JAK1: variants seen among roughly 807,000 people sequenced by gnomAD.
The protein encoded by JAK1 is tyrosine-protein kinase JAK1.
JAK1 carries 16 observed loss-of-function variants against 136.6 expected under a neutral mutation model. The observed-to-expected ratio is 0.12, with a 90% CI of 0.08 to 0.18. The LOEUF is 0.18. Ranked by LOEUF, JAK1 falls within the 10% of genes least tolerant of loss-of-function variation. JAK1 has a pLI of 1.00. For missense variants in JAK1, 859 were observed against 1,450.1 expected (o/e 0.59, Z 6.62); for synonymous variants, 492 against 519.5 (o/e 0.95, Z 0.72).
chr1:64,964,437 G>C (rs1048638858), intron 1 of JAK1, among the ~76,000 whole-genome samples: 1 of 152,232 alleles, frequency 6.6e-6, no homozygotes, highest in East Asian at 1.9e-4. Context: ...GTTTCAGTCG[G>C]AAGTATATGG....
intron 1 of JAK1, among the ~76,000 whole-genome samples, chr1:65,066,147 AGGTGTGGT>A (rs1166279157): frequency 6.6e-6 from 1 of 152,152 alleles, no homozygotes; most frequent in Non-Finnish European, 1.5e-5. Context: ...GGATAAGCAC[AGGTGTGGT>A]CTTTCTCCAG....
At chr1:65,035,461 C>T (rs1647064526) in intron 2 of JAK1, among the ~76,000 whole-genome samples, 1 of 152,202 alleles carries the variant, frequency 6.6e-6, no homozygotes, top group African/African-American at 2.4e-5. Context: ...GTTGAGGAGA[C>T]TTGACCTTCA....
intron 1 of JAK1, among the ~76,000 whole-genome samples, chr1:64,897,436 A>G (rs190209045): frequency 5.4e-5 from 7 of 129,896 alleles, no homozygotes; most frequent in East Asian, 2.3e-4. Context: ...AGAAAAAGAG[A>G]AAAAAAAAGA....
intron 2 of JAK1, among the ~76,000 whole-genome samples, chr1:65,025,826 T>A (rs541069683): frequency 6.6e-6 from 1 of 152,092 alleles, no homozygotes; most frequent in Admixed American, 6.6e-5. Context: ...TATAGGTGCA[T>A]ACCACCATGC....
At chr1:64,995,865 A>G (rs998145895) in intron 2 of JAK1, among the ~76,000 whole-genome samples, 1 of 152,090 alleles carries the variant, frequency 6.6e-6, no homozygotes, top group Non-Finnish European at 1.5e-5. Flanking sequence ...CAGCCTCCTG[A>G]GTAGCCGGGA....
upstream of JAK1, among the ~76,000 whole-genome samples, chr1:64,968,192 G>A (rs1417721078): frequency 6.6e-6 from 1 of 152,108 alleles, no homozygotes; most frequent in East Asian, 1.9e-4. Flanking sequence ...GCCCACGAAC[G>A]AATCTGGCTG....
chr1:64,915,758 C>A (rs1391631131), intron 1 of JAK1, among the ~76,000 whole-genome samples: 1 of 152,100 alleles, frequency 6.6e-6, no homozygotes, highest in Admixed American at 6.6e-5. Flanking sequence ...TAAGGAAACA[C>A]ATATCTAGAG....
chr1:64,967,584 C>G (rs776277997), upstream of JAK1, among the ~76,000 whole-genome samples: 1 of 152,232 alleles, frequency 6.6e-6, no homozygotes, highest in Non-Finnish European at 1.5e-5. Flanking sequence ...CCTGTGCTGA[C>G]TTCACTAACC....
rs372683251 is a variant in JAK1, at chr1:65,050,183, T to G, written c.-180-5601A>C. On this transcript the variant is annotated intron_variant, in intron 1 of 25. Coordinates refer to the JAK1 transcript ENST00000671954. ...CACTAGTTTTCTACTGTGAACTCCA[T>G]GCCAGGCTTATGCCAGACACTGCAA... Among the ~76,000 whole-genome samples the G allele has an allele frequency of 2.2e-4, 34 of 152,326 alleles. No individual in the cohort carries two copies. In the East Asian group the frequency reaches 3.5e-3, roughly 16 times the overall value.
chr1:64,838,401 A>G lies in JAK1; in HGVS notation c.2967+64T>C. ...CTTACCCACTTAGAGTCAAATTACA[A>G]ACCAATTACCCAGGACAGAGTGCCT... On this transcript the variant is annotated intron_variant, in intron 21 of 24. Coordinates refer to ENST00000342505, the MANE Select transcript of JAK1 (RefSeq NM_002227.4). 6.5e-6 allele frequency: 10 copies of G among 1,544,626 alleles called. No homozygotes were observed. In the South Asian group the frequency reaches 8.3e-5, roughly 13 times the overall value.
chr1:64,969,310 G>C (rs1022137593), upstream of JAK1, among the ~76,000 whole-genome samples: 1 of 151,814 alleles, frequency 6.6e-6, no homozygotes, highest in Non-Finnish European at 1.5e-5. Flanking sequence ...TCTTGTTGTA[G>C]TGGGGGTGTC....
At chr1:64,962,266 C>T (rs1306902949) in intron 1 of JAK1, among the ~76,000 whole-genome samples, 1 of 152,204 alleles carries the variant, frequency 6.6e-6, no homozygotes, top group Non-Finnish European at 1.5e-5. Context: ...GTATAAAATG[C>T]TAGTGTGAAT....
At chr1:64,957,948 A>C (rs1440947580) in intron 1 of JAK1, among the ~76,000 whole-genome samples, 1 of 152,204 alleles carries the variant, frequency 6.6e-6, no homozygotes, top group African/African-American at 2.4e-5. Context: ...CGTCTCAAAA[A>C]AAAAAAAAAG....
At chr1:64,885,472 G>A (rs1644837081) in intron 2 of JAK1, among the ~76,000 whole-genome samples, 2 of 152,104 alleles carry the variant, frequency 1.3e-5, no homozygotes, top group Admixed American at 6.5e-5. Flanking sequence ...TGAAAAAATC[G>A]GCTGGGTGTG....
At chr1:64,903,440 A>G (rs953575775) in intron 1 of JAK1, among the ~76,000 whole-genome samples, 1 of 152,208 alleles carries the variant, frequency 6.6e-6, no homozygotes, top group Non-Finnish European at 1.5e-5. Flanking sequence ...CAGGGACACA[A>G]TGAAGACTGG....
chr1:64,926,595 G>T (rs1284920828), intron 1 of JAK1, among the ~76,000 whole-genome samples: 1 of 152,000 alleles, frequency 6.6e-6, no homozygotes, highest in African/African-American at 2.4e-5. Context: ...TAGATATACA[G>T]TCCACCTGAT....
chr1:65,009,182 G>T lies in JAK1; in HGVS notation c.-78+35298C>A, dbSNP rs1646827464. Among the ~76,000 whole-genome samples, 4 of 152,028 alleles carry T rather than the reference G, an allele frequency of 2.6e-5. No homozygotes were observed. In the South Asian group the frequency reaches 8.3e-4, roughly 32 times the overall value. ...ATTTAATATTAAATTAAATTAAAAG[G>T]AATGATGTAAAGCTATAATCACTAA... On this transcript the variant is annotated intron_variant, in intron 2 of 25. Coordinates refer to the JAK1 transcript ENST00000671954.
At chr1:64,913,972 G>T (rs776059856) in intron 1 of JAK1, among the ~76,000 whole-genome samples, 1 of 152,162 alleles carries the variant, frequency 6.6e-6, no homozygotes, top group African/African-American at 2.4e-5. Context: ...GGGTGCGTTG[G>T]GGGGTGAGTG....
intron 1 of JAK1, among the ~76,000 whole-genome samples, chr1:65,060,820 A>C (rs1647760714): frequency 6.6e-6 from 1 of 152,186 alleles, no homozygotes; most frequent in Admixed American, 6.5e-5. Context: ...CATTTTTGAA[A>C]ATTTAAATCC....
Sources: gnomAD v4.1 joint callset for allele counts (sites outside exome capture counted in the v4.1 genomes callset) on GRCh38, gnomAD v4.1.1 for gene constraint, MANE v1.5 for transcripts, NCBI Gene and HGNC (gene_info 2026-07-23, HGNC 2026-07-21) for gene names.